The following CLTCL1 variants were observed in gnomAD, a reference collection of about 807,000 sequenced individuals.
The protein encoded by CLTCL1 is clathrin heavy chain like 1, also known as clathrin heavy chain 2.
Under a neutral mutation model 190.0 loss-of-function variants are expected in CLTCL1, and 159 were observed. That is an observed-to-expected ratio of 0.84 (90% CI 0.74 to 0.95). The LOEUF is 0.95. CLTCL1 is among the 40% of genes least tolerant of loss of function. The pLI is 0.00. For missense variants in CLTCL1, 1,878 were observed against 2,033.4 expected, an observed-to-expected ratio of 0.92 and a Z score of 1.47; for synonymous variants, 752 against 769.6, an observed-to-expected ratio of 0.98 and a Z score of 0.38.
At chr22:19,247,610 G>A (rs2086459268) in intron 3 of CLTCL1, among the ~76,000 whole-genome samples, 1 of 152,056 alleles carries the variant, frequency 6.6e-6, no homozygotes, top group Non-Finnish European at 1.5e-5. Flanking sequence ...GCCCAGGCTG[G>A]AGTGCAATGG....
intron 27 of CLTCL1, among the ~76,000 whole-genome samples, chr22:19,190,833 A>G (rs1237905311): frequency 6.7e-6 from 1 of 150,096 alleles, no homozygotes; most frequent in Non-Finnish European, 1.5e-5. Context: ...GCTGGAGTGC[A>G]GTGGCACGAT....
At chr22:19,288,350 G>A (rs1285351179) in intron 1 of CLTCL1, among the ~76,000 whole-genome samples, 2 of 152,166 alleles carry the variant, frequency 1.3e-5, no homozygotes, top group East Asian at 3.9e-4. Flanking sequence ...GGGAAAAAAA[G>A]TGTATAAAGG....
At chr22:19,230,757 G>T (rs1420011628) in intron 10 of CLTCL1, among the ~76,000 whole-genome samples, 4 of 151,930 alleles carry the variant, frequency 2.6e-5, no homozygotes, top group Non-Finnish European at 5.9e-5. Flanking sequence ...TTAACTTTAG[G>T]TGTCAGCTTG....
chr22:19,203,553 C>A (rs1480463177), intron 22 of CLTCL1, among the ~76,000 whole-genome samples: 1 of 152,162 alleles, frequency 6.6e-6, no homozygotes, highest in East Asian at 1.9e-4. Context: ...TCTGGACACC[C>A]CTGCCTGCTT....
intron 3 of CLTCL1, among the ~76,000 whole-genome samples, chr22:19,252,200 C>T (rs2086613837): frequency 6.6e-6 from 1 of 152,242 alleles, no homozygotes; most frequent in Non-Finnish European, 1.5e-5. Context: ...GGTGGTCCAT[C>T]TTCAACATCA....
chr22:19,275,570 C>A, intron 2 of CLTCL1, 53 bp downstream of exon 2: 18 of 1,500,256 alleles, frequency 1.2e-5, no homozygotes, highest in Non-Finnish European at 1.5e-5. Context: ...TTTAAGGTAA[C>A]AAAGCAGTTA....
At chr22:19,226,141 C>G in intron 12 of CLTCL1, 78 bp downstream of exon 12, 2 of 1,476,218 alleles carry the variant, frequency 1.4e-6, no homozygotes, top group African/African-American at 1.4e-5. Flanking sequence ...CAATCACCAA[C>G]AGGTGAACAC....
At position 19,266,107 on chromosome 22, in the gene CLTCL1, T is replaced by G. The variant is rs527866825; in HGVS notation, c.250+9516A>C. 2.6e-5 allele frequency among the ~76,000 whole-genome samples: 4 copies of G among 152,244 alleles called. No individual in the cohort carries two copies. The South Asian group carries it at 8.3e-4, about 32-fold the overall frequency. Reference sequence around the variant, plus strand: ...TATGTTGCCCAGGCTGGTCTTGAACTTCTGGTCCCAAGTGATCCTGTCACT... The same window carrying G: ...TATGTTGCCCAGGCTGGTCTTGAACGTCTGGTCCCAAGTGATCCTGTCACT... On this transcript the variant is annotated intron_variant, in intron 2 of 32. Transcript: ENST00000427926.
At chr22:19,233,978 C>T (rs1342151861) in intron 7 of CLTCL1, among the ~76,000 whole-genome samples, 2 of 152,186 alleles carry the variant, frequency 1.3e-5, no homozygotes, top group South Asian at 4.1e-4. Context: ...TTCACAACTA[C>T]CCCTTGAAAG....
At position 19,285,925 on chromosome 22, in the gene CLTCL1, A is replaced by G. The variant is rs117357101; in HGVS notation, c.42+5675T>C. 6.6e-3 allele frequency among the ~76,000 whole-genome samples: 998 copies of G among 152,332 alleles called. 4 individuals are homozygous for G. The highest frequency in any genetic ancestry group is 0.01 in the Middle Eastern group (3 of 294). On this transcript the variant is annotated intron_variant, in intron 1 of 32. Transcript: ENST00000427926. ...TTAAGTTACAAAAGCAAAGGGCAGA[A>G]GCATATTTAAAGCAGGATTCTTTTG... is the stretch of plus-strand genomic sequence containing the variant.
intron 22 of CLTCL1, 38 bp from the exon 23 acceptor site, chr22:19,201,531 A>G: frequency 6.4e-7 from 1 of 1,566,976 alleles, no homozygotes; most frequent in South Asian, 1.1e-5. Flanking sequence ...GACACTCTTC[A>G]ATGGGAAGAT....
At chr22:19,263,020 G>C (rs1284931640) in intron 2 of CLTCL1, among the ~76,000 whole-genome samples, 1 of 144,544 alleles carries the variant, frequency 6.9e-6, no homozygotes, top group Non-Finnish European at 1.5e-5. Flanking sequence ...GACAGAGAGA[G>C]ACTCCATCTT....
intron 24 of CLTCL1, 72 bp downstream of exon 24, chr22:19,199,662 T>A (rs1269620829): frequency 1.8e-6 from 2 of 1,141,514 alleles, no homozygotes; most frequent in African/African-American, 3.1e-5. Context: ...GCTAAGGGGA[T>A]GACCGTGCCT....
chr22:19,235,595 T>A, intron 6 of CLTCL1, 101 bp downstream of exon 6: 2 of 1,120,478 alleles, frequency 1.8e-6, no homozygotes, highest in East Asian at 2.4e-5. Context: ...CAGGAACTAT[T>A]AATAGCTACA....
In CLTCL1 at chr22:19,265,839, G is replaced by C. The variant is rs1057316264; in HGVS notation, c.250+9784C>G. Among the ~76,000 whole-genome samples, 4 of 152,090 alleles carry C rather than the reference G, an allele frequency of 2.6e-5. No individual in the cohort carries two copies. In the South Asian group the frequency reaches 8.3e-4, roughly 32 times the overall value. On this transcript the variant is annotated intron_variant, in intron 2 of 32. Transcript: ENST00000427926. ...GCCTATATACACCTTGCCAGAAGTA[G>C]GGTTTTTCAAAACAATCAAGAAAAC...
intron 2 of CLTCL1, among the ~76,000 whole-genome samples, chr22:19,272,701 C>T (rs1282710949): frequency 2.6e-5 from 4 of 152,058 alleles, no homozygotes; most frequent in Non-Finnish European, 5.9e-5. Context: ...GAACTCCCGA[C>T]CTCCAGGTGA....
intron 5 of CLTCL1, among the ~76,000 whole-genome samples, chr22:19,237,063 C>A (rs529260144): frequency 8.7e-4 from 132 of 152,264 alleles, no homozygotes; most frequent in African/African-American, 3.1e-3. Flanking sequence ...ACCACTGCCA[C>A]ACAAAAATGC....
chr22:19,209,056 T>C lies in CLTCL1; in HGVS notation c.3308A>G (p.Asn1103Ser), dbSNP rs781822804. The change falls in exon 21 of 33, where the codon AAT becomes AGT. Residue 1103 changes from asparagine to serine, a missense_variant. Transcript: ENST00000427926. ...DRAYEFAERC[N>S]EPAVWSQLAQ... ...CAGCTGACTCCACACAGCAGGCTCA[T>C]TGCATCTCTCCGCAAACTCATATGC... 21 of 1,610,264 alleles carry C rather than the reference T, an allele frequency of 1.3e-5. No individual in the cohort carries two copies. Among genetic ancestry groups the C allele is most frequent in the African/African-American group, 5.3e-5 (4 of 74,858 alleles).
intron 5 of CLTCL1, chr22:19,238,888 G>C (rs2086164202): frequency 5.5e-6 from 1 of 180,966 alleles, no homozygotes; most frequent in African/African-American, 2.3e-5. Flanking sequence ...AGAACGTGCA[G>C]TTTTGTTACA....
Sources: gnomAD v4.1 joint callset for allele counts (sites outside exome capture counted in the v4.1 genomes callset) on GRCh38, gnomAD v4.1.1 for gene constraint, MANE v1.5 for transcripts, NCBI Gene and HGNC (gene_info 2026-07-23, HGNC 2026-07-21) for gene names.